GLB1: variants seen among roughly 807,000 people sequenced by gnomAD.
GLB1 encodes galactosidase beta 1, also known as beta-galactosidase.
A neutral mutation model predicts 74.0 loss-of-function variants in GLB1; 56 were observed. The observed-to-expected ratio is 0.76, with a 90% CI of 0.61 to 0.94. GLB1 has a LOEUF of 0.94. Among genes scored for constraint, GLB1 ranks in the 40% least tolerant of loss-of-function variants. GLB1 has a pLI of 0.00. For missense variants in GLB1, 787 were observed against 845.5 expected (o/e 0.93, Z 0.86); for synonymous variants, 323 against 323.6 (o/e 1.00, Z 0.02).
chr3:33,077,199 T>C, intron 1 of GLB1: 1 of 1,504,094 alleles, frequency 6.6e-7, no homozygotes, highest in East Asian at 2.6e-5. Flanking sequence ...ACTTAGGCGC[T>C]TGCCGTGGCA....
At chr3:32,978,873 C>T in the GLB1 span, among the ~76,000 whole-genome samples, 1 of 149,498 alleles carries the variant, frequency 6.7e-6, no homozygotes, top group African/African-American at 2.5e-5. Flanking sequence ...GATTCTCCTG[C>T]CTCAGCTTCC....
chr3:33,076,901 G>C (rs2125561141), intron 1 of GLB1, among the ~76,000 whole-genome samples: 2 of 152,158 alleles, frequency 1.3e-5, no homozygotes, highest in East Asian at 3.9e-4. Flanking sequence ...ATTGACAATG[G>C]AAAATTCTCC....
intron 15 of GLB1, among the ~76,000 whole-genome samples, chr3:33,002,149 C>T (rs184562015): frequency 7.2e-5 from 11 of 152,248 alleles, no homozygotes; most frequent in Admixed American, 2.6e-4. Context: ...TCTCTGACCA[C>T]GGCTTGACCC....
intron 5 of GLB1, among the ~76,000 whole-genome samples, chr3:33,063,960 G>T (rs965446914): frequency 2.6e-5 from 4 of 152,022 alleles, no homozygotes; most frequent in Middle Eastern, 6.8e-3. Flanking sequence ...TCTGTCCACC[G>T]ACACCTGAAA....
intron 10 of GLB1, among the ~76,000 whole-genome samples, chr3:33,044,596 G>C (rs993220377): frequency 6.6e-6 from 1 of 150,466 alleles, no homozygotes; most frequent in African/African-American, 2.4e-5. Flanking sequence ...CATAATAAAG[G>C]AATAACATAA....
Position 33,021,401 on chromosome 3 carries a change from A to C in GLB1, c.1233+165T>G, listed in dbSNP as rs1236025216. On this transcript the variant is annotated intron_variant, in intron 12 of 15. Coordinates refer to ENST00000307363, the MANE Select transcript of GLB1 (RefSeq NM_000404.4). ...AGGCATGATCAGCCCACCACGCAGCACTTCAAGCTAAAGAGAGCCTGGAAA... is the reference window on the plus strand; with the variant it reads ...AGGCATGATCAGCCCACCACGCAGCCCTTCAAGCTAAAGAGAGCCTGGAAA... 5 of 785,510 alleles carry C rather than the reference A, an allele frequency of 6.4e-6. No individual in the cohort carries two copies. In the African/African-American group the frequency reaches 8.6e-5, roughly 14 times the overall value. 48.7% of individuals were successfully genotyped at this position (785,510 alleles called of 1,614,324 possible).
intron 1 of GLB1, among the ~76,000 whole-genome samples, chr3:33,075,693 G>C (rs1219046075): frequency 6.6e-6 from 1 of 152,048 alleles, no homozygotes; most frequent in Non-Finnish European, 1.5e-5. Flanking sequence ...TGAGGGGAGG[G>C]GCAAGGGCAA....
chr3:33,065,654 C>T (rs900336854), intron 4 of GLB1, 97 bp from the exon 5 acceptor site: 15 of 1,417,820 alleles, frequency 1.1e-5, no homozygotes, highest in South Asian at 6.2e-5. Context: ...AACACAAATT[C>T]GTAAACTTTT....
At chr3:33,084,863 T>C (rs2125572435) in intron 1 of GLB1, among the ~76,000 whole-genome samples, 1 of 152,340 alleles carries the variant, frequency 6.6e-6, no homozygotes, top group Admixed American at 6.5e-5. Context: ...GCAAACTGCA[T>C]TCAGTAGACT....
At chr3:33,034,314 T>C (rs1417253292) in intron 10 of GLB1, 8 of 743,690 alleles carry the variant, frequency 1.1e-5, no homozygotes, top group African/African-American at 1.7e-5. Flanking sequence ...GCTTACACCA[T>C]TGGCTGCAAT....
chr3:33,054,394 C>T (rs56987316), intron 6 of GLB1, among the ~76,000 whole-genome samples: 12,297 of 152,050 alleles, frequency 0.081, 1,152 homozygotes, highest in East Asian at 0.48. Flanking sequence ...AGGAGGTCCC[C>T]GTGGCCTTTC....
intron 15 of GLB1, among the ~76,000 whole-genome samples, chr3:33,004,880 G>A (rs1475976638): frequency 1.3e-5 from 2 of 152,288 alleles, no homozygotes; most frequent in South Asian, 2.1e-4. Flanking sequence ...GTGGGCTCCA[G>A]AGCCTTGTAA....
At chr3:33,060,688 G>C (rs543208659) in intron 5 of GLB1, among the ~76,000 whole-genome samples, 2 of 152,204 alleles carry the variant, frequency 1.3e-5, no homozygotes, top group East Asian at 3.9e-4. Flanking sequence ...TAAAAAATGC[G>C]TACACATAAT....
the GLB1 span, among the ~76,000 whole-genome samples, chr3:32,985,766 C>A: frequency 1.3e-5 from 2 of 151,966 alleles, no homozygotes; most frequent in East Asian, 3.9e-4. Flanking sequence ...AGTGCAGTGG[C>A]ATGATTTCAG....
At chr3:32,974,126 TCAA>T in the GLB1 span, among the ~76,000 whole-genome samples, 1 of 152,190 alleles carries the variant, frequency 6.6e-6, no homozygotes, top group East Asian at 1.9e-4. Flanking sequence ...AGCTCCCTGC[TCAA>T]CAACTAGAAC....
chr3:33,077,446 A>G, intron 1 of GLB1: 3 of 844,376 alleles, frequency 3.6e-6, no homozygotes, highest in Non-Finnish European at 5.7e-6. Context: ...TGGAGGATGA[A>G]GATACAACCG....
At chr3:32,975,000 T>G in the GLB1 span, among the ~76,000 whole-genome samples, 1 of 152,244 alleles carries the variant, frequency 6.6e-6, no homozygotes, top group African/African-American at 2.4e-5. Context: ...TGCTGGAGTC[T>G]AGCCCTAGCT....
At chr3:33,017,936 T>G in intron 13 of GLB1, among the ~76,000 whole-genome samples, 1 of 151,894 alleles carries the variant, frequency 6.6e-6, no homozygotes, top group East Asian at 1.9e-4. Flanking sequence ...TTTCAGCAAA[T>G]GGCACATGCA....
chr3:33,084,797 T>C (rs1005570976), intron 1 of GLB1, among the ~76,000 whole-genome samples: 4 of 152,214 alleles, frequency 2.6e-5, no homozygotes, highest in Admixed American at 1.3e-4. Flanking sequence ...ACATTGACCA[T>C]ATTTGGCCTA....
Sources: gnomAD v4.1 joint callset for allele counts (sites outside exome capture counted in the v4.1 genomes callset) on GRCh38, gnomAD v4.1.1 for gene constraint, MANE v1.5 for transcripts, NCBI Gene and HGNC (gene_info 2026-07-23, HGNC 2026-07-21) for gene names.